The following CHD6 variants were observed in gnomAD, a reference collection of about 807,000 sequenced individuals.
CHD6 encodes the protein ATP-dependent chromatin remodeler CHD6.
Under a neutral mutation model 276.9 loss-of-function variants are expected in CHD6, and 50 were observed. The observed-to-expected ratio is 0.18, with a 90% CI of 0.14 to 0.23. CHD6 has a LOEUF of 0.23. Among genes scored for constraint, CHD6 ranks in the 10% least tolerant of loss-of-function variants. The probability of loss-of-function intolerance (pLI) is 1.00; values close to 1 mark genes in which losing one functional copy is unlikely to be tolerated. For synonymous variants in CHD6, 1,173 were observed against 1,229.3 expected (o/e 0.95, Z 0.96); for missense variants, 2,564 against 3,365.8 (o/e 0.76, Z 5.89).
rs147745269 is a variant in CHD6 at position 41,452,125 on chromosome 20, G to A, written c.3324-100C>T. 12 of 903,952 alleles carry A rather than the reference G, an allele frequency of 1.3e-5. No individual in the cohort carries two copies. The Admixed American group carries it at 2.4e-4, about 18-fold the overall frequency. 56.0% of individuals were successfully genotyped at this position (903,952 alleles called of 1,614,324 possible). On this transcript the variant is annotated intron_variant, in intron 21 of 36. Transcript: ENST00000373233. The surrounding 1 kb of genome is among the most constrained non-coding windows in gnomAD (Gnocchi z 4.2). ...GAAACAAGAGCCATACATGCTTTTTGTTCTCTGTAGGTCTGTTAATCATCC... is the reference window on the plus strand; with the variant it reads ...GAAACAAGAGCCATACATGCTTTTTATTCTCTGTAGGTCTGTTAATCATCC...
In CHD6 at chr20:41,477,852, T is replaced by C. The variant is rs189481499; in HGVS notation, c.2469-4335A>G. Among the ~76,000 whole-genome samples the C allele has an allele frequency of 3.6e-3, 542 of 152,262 alleles. 2 individuals are homozygous for C. The highest frequency in any genetic ancestry group is 4.9e-3 in the Non-Finnish European group (335 of 68,008). ...GAAACTGGTGGAATATTTGCTGAAG[T>C]ATTTACTTAGCCTCTAGATCACCTA... On this transcript the variant is annotated intron_variant, in intron 16 of 36. Transcript: ENST00000373233.
chr20:41,597,503 T>C (rs1204853532), intron 1 of CHD6, among the ~76,000 whole-genome samples: 1 of 152,068 alleles, frequency 6.6e-6, no homozygotes, highest in Admixed American at 6.5e-5. Context: ...GGAGATCATG[T>C]CCTTATCAGA....
intron 27 of CHD6, among the ~76,000 whole-genome samples, chr20:41,435,868 G>C (rs1302136432): frequency 1.3e-5 from 2 of 152,174 alleles, no homozygotes; most frequent in Non-Finnish European, 2.9e-5. Context: ...TTACGGTATT[G>C]CTACGGCACT....
In CHD6 at chr20:41,426,378, T is replaced by C. The variant is rs546881901; in HGVS notation, c.4069-225A>G. Among the ~76,000 whole-genome samples the C allele has an allele frequency of 4.6e-5, 7 of 152,254 alleles. No homozygotes were observed. The East Asian group carries it at 1.2e-3, about 25-fold the overall frequency. Reference sequence around the variant, plus strand: ...TTTTTTTTTTCTTTTCCTGGAACCATGTGGAATGCTTCTGCCTGTAGAGAA... The same window carrying C: ...TTTTTTTTTTCTTTTCCTGGAACCACGTGGAATGCTTCTGCCTGTAGAGAA... On this transcript the variant is annotated intron_variant, in intron 27 of 36. Transcript: ENST00000373233.
intron 36 of CHD6, among the ~76,000 whole-genome samples, chr20:41,406,680 G>C (rs1199465570): frequency 4.6e-5 from 7 of 152,208 alleles, no homozygotes; most frequent in Non-Finnish European, 1.0e-4. Context: ...TCTTCCCACA[G>C]ATGGGAAGCG....
At chr20:41,491,569 GACTACCAC>G (rs2043556016) in intron 11 of CHD6, 121 bp downstream of exon 11, 5 of 980,976 alleles carry the variant, frequency 5.1e-6, no homozygotes, top group Non-Finnish European at 1.6e-6. Context: ...AATGTGCAAA[GACTACCAC>G]CCTAAATTGA....
intron 1 of CHD6, among the ~76,000 whole-genome samples, chr20:41,556,293 AG>A (rs2045235244): frequency 7.6e-6 from 1 of 132,130 alleles, no homozygotes; most frequent in Admixed American, 7.4e-5. Flanking sequence ...AGGGAGAGGG[AG>A]ACCGTGGGGA....
intron 3 of CHD6, among the ~76,000 whole-genome samples, chr20:41,520,328 T>C (rs572946193): frequency 2.1e-4 from 32 of 152,120 alleles, no homozygotes; most frequent in South Asian, 6.2e-4. Flanking sequence ...TGGGTATATA[T>C]CCAAAGGATT....
chr20:41,431,776 C>CTTTTTTTTTTTTTTTTTTTTTTTTT (rs61227802), intron 27 of CHD6, among the ~76,000 whole-genome samples: 2 of 104,768 alleles, frequency 1.9e-5, no homozygotes, highest in African/African-American at 3.7e-5. Flanking sequence ...AAAAAACATG[C>CTTTTTTTTTTTTTTTTTTTTTTTTT]TTTTTTTTTT....
intron 1 of CHD6, chr20:41,564,095 A>G (rs746926690): frequency 1.3e-5 from 10 of 778,828 alleles, no homozygotes; most frequent in Non-Finnish European, 2.4e-5. Flanking sequence ...CCTGGGTCTC[A>G]GTTTCTTCAT....
chr20:41,520,322 T>C (rs1030373330), intron 3 of CHD6, among the ~76,000 whole-genome samples: 7 of 152,192 alleles, frequency 4.6e-5, no homozygotes, highest in Non-Finnish European at 8.8e-5. Context: ...CATTACTGGG[T>C]ATATATCCAA....
At chr20:41,483,276 T>A (rs535075831) in intron 16 of CHD6, 33 bp downstream of exon 16, 24 of 1,554,044 alleles carry the variant, frequency 1.5e-5, no homozygotes, top group Non-Finnish European at 1.9e-5. Context: ...AACTGTCCCA[T>A]TGTTGAATGC....
chr20:41,604,601 C>T (rs763131959), intron 1 of CHD6, among the ~76,000 whole-genome samples: 20 of 152,122 alleles, frequency 1.3e-4, no homozygotes, highest in Admixed American at 3.3e-4. Flanking sequence ...AATCCTAAAA[C>T]GGAAAATAAC....
At chr20:41,602,367 C>T (rs1052168818) in intron 1 of CHD6, among the ~76,000 whole-genome samples, 4 of 152,176 alleles carry the variant, frequency 2.6e-5, no homozygotes, top group Non-Finnish European at 4.4e-5. Context: ...CCCATTTCAC[C>T]TTCCTATGAG....
rs1196067928 is a variant in CHD6, at chr20:41,425,323, G to A, written c.4201C>T (p.Leu1401=). Residue 1401 remains leucine (L), a synonymous_variant, in exon 29 of 37, where the codon CTG becomes TTG. Coordinates refer to ENST00000373233, the MANE Select transcript of CHD6 (RefSeq NM_032221.5). ...SSALTARLRR[L]VTVYQRCNRK... is the part of the protein sequence containing the mutation. Reference sequence around the variant, plus strand: ...TTGCAGCGCTGGTAAACAGTGACCAGACGTCTGAGACGAGCTGTGAGGGCG... The same window carrying A: ...TTGCAGCGCTGGTAAACAGTGACCAAACGTCTGAGACGAGCTGTGAGGGCG... 6.2e-7 allele frequency: 1 copy of A among 1,614,226 alleles called. No homozygotes were observed. Among genetic ancestry groups the A allele is most frequent in the African/African-American group, 1.3e-5 (1 of 75,064 alleles).
intron 2 of CHD6, among the ~76,000 whole-genome samples, chr20:41,544,799 A>G (rs1228167744): frequency 6.6e-6 from 1 of 151,344 alleles, no homozygotes; most frequent in African/African-American, 2.4e-5. Context: ...ATGTATAGTA[A>G]TATTACTATA....
rs368693584 is a variant in CHD6, at chr20:41,438,258, ACTG to A, written c.4008-927_4008-925del. ...TGTCTTCTCTTTTGTGAGCTTAACT[ACTG>A]CTGATGCCTACCTGTTTTTCATGAT... On this transcript the variant is annotated intron_variant, in intron 26 of 36. Transcript: ENST00000373233. Among the ~76,000 whole-genome samples, 419 of 152,226 alleles carry A rather than the reference ACTG, an allele frequency of 2.8e-3. 2 individuals carry two copies. The highest frequency in any genetic ancestry group is 0.024 in the Middle Eastern group (7 of 294).
chr20:41,601,328 C>A (rs188270711), intron 1 of CHD6, among the ~76,000 whole-genome samples: 1 of 152,174 alleles, frequency 6.6e-6, no homozygotes, highest in Non-Finnish European at 1.5e-5. Flanking sequence ...ACTTGAAACA[C>A]GACTACTACT....
intron 29 of CHD6, among the ~76,000 whole-genome samples, chr20:41,424,169 G>A (rs6102411): frequency 0.055 from 8,409 of 152,212 alleles, 799 homozygotes; most frequent in African/African-American, 0.19. Flanking sequence ...CTGGTGTCCC[G>A]AAGGGAAGTG....
Sources: allele counts gnomAD v4.1 joint callset (sites outside exome capture counted in the v4.1 genomes callset), GRCh38; gene constraint gnomAD v4.1.1; non-coding constraint Gnocchi (gnomAD v3.1); transcripts MANE v1.5; gene names NCBI Gene and HGNC (gene_info 2026-07-23, HGNC 2026-07-21).